The following UNC45B variants were observed in gnomAD, a reference collection of about 807,000 sequenced individuals.
UNC45B encodes the protein protein unc-45 homolog B.
Under a neutral mutation model 98.7 loss-of-function variants are expected in UNC45B, and 78 were observed. The observed-to-expected ratio is 0.79, with a 90% CI of 0.66 to 0.95. The LOEUF is 0.95. Among genes scored for constraint, UNC45B ranks in the 40% least tolerant of loss-of-function variants. UNC45B has a pLI of 0.00. For synonymous variants in UNC45B, 462 were observed against 480.4 expected, an observed-to-expected ratio of 0.96 and a Z score of 0.50; for missense variants, 1,225 against 1,184.9, an observed-to-expected ratio of 1.03 and a Z score of -0.50.
intron 17 of UNC45B, 86 bp downstream of exon 17, chr17:35,177,696 C>A: frequency 9.6e-7 from 1 of 1,045,572 alleles, no homozygotes; most frequent in Non-Finnish European, 1.4e-6. Flanking sequence ...TGAGAATGCT[C>A]TTCTCTGAAG....
At chr17:35,156,044 GCAA>G (rs898225108) in intron 7 of UNC45B, among the ~76,000 whole-genome samples, 7 of 152,128 alleles carry the variant, frequency 4.6e-5, no homozygotes, top group African/African-American at 4.8e-5. Flanking sequence ...TTTGACACAT[GCAA>G]CAACGTCAAT....
chr17:35,183,214 A>G (rs905837317), intron 18 of UNC45B, among the ~76,000 whole-genome samples: 1 of 149,154 alleles, frequency 6.7e-6, no homozygotes, highest in African/African-American at 2.5e-5. Context: ...AGCACACTAG[A>G]TGGGGAATTC....
At chr17:35,175,091 A>AAGAAAGAAAGAAAGAAAGAAAGAAAG (rs1567766068) in intron 14 of UNC45B, among the ~76,000 whole-genome samples, 1 of 132,678 alleles carries the variant, frequency 7.5e-6, no homozygotes, top group African/African-American at 2.7e-5. Flanking sequence ...AAGAAAGAGA[A>AAGAAAGAAAGAAAGAAAGAAAGAAAG]AGAAAGAAAA....
Position 35,187,721 on chromosome 17 carries a change from T to C in UNC45B, c.*1162T>C, listed in dbSNP as rs1232944342. 6.6e-6 allele frequency: 1 copy of C among 152,216 alleles called. No homozygotes were observed. The highest frequency in any genetic ancestry group is 2.4e-5 in the African/African-American group (1 of 41,452). 9.4% of individuals were successfully genotyped at this position (152,216 alleles called of 1,614,324 possible). On this transcript the variant is annotated 3_prime_UTR_variant, in exon 20 of 20. Coordinates refer to ENST00000394570, the MANE Select transcript of UNC45B (RefSeq NM_001267052.2). ...TGTACCCTGGGCAGATCAAAGAACA[T>C]ATTCTGTATGTCAGGCTTGGCCACA... is the stretch of plus-strand genomic sequence containing the variant.
At position 35,187,439 on chromosome 17, in the gene UNC45B, G is replaced by A. The variant is rs2092310744; in HGVS notation, c.*880G>A. On this transcript the variant is annotated 3_prime_UTR_variant, in exon 20 of 20. Transcript: ENST00000394570. ...TCCCCAGCAGCCCCAGGGTGACATA[G>A]TTGTTATAGTTCATTATGGAATAGA... 6.6e-6 allele frequency: 1 copy of A among 152,172 alleles called. No homozygotes were observed. The highest frequency in any genetic ancestry group is 2.4e-5 in the African/African-American group (1 of 41,420). The allele number at this position is 152,172 out of a possible 1,614,324, so 9.4% of individuals were successfully genotyped here.
intron 12 of UNC45B, 115 bp from the exon 13 acceptor site, chr17:35,171,207 C>T (rs1459329477): frequency 7.3e-7 from 1 of 1,361,832 alleles, no homozygotes; most frequent in Non-Finnish European, 1.0e-6. Context: ...TGGGCCCTAC[C>T]AGCTGCACTC....
At position 35,185,067 on chromosome 17, in the gene UNC45B, T is replaced by C. The variant is rs528132561; in HGVS notation, c.2530-1232T>C. Among the ~76,000 whole-genome samples, 5 of 152,296 alleles carry C rather than the reference T, an allele frequency of 3.3e-5. No homozygotes were observed. The East Asian group carries it at 9.7e-4, about 29-fold the overall frequency. On this transcript the variant is annotated intron_variant, in intron 19 of 19. Transcript: ENST00000394570. ...ACTTCAGCGTAGAAACTTTCCAGCA[T>C]AGAACCGTGCCACAGCTAGCTGAGC... is the stretch of plus-strand genomic sequence containing the variant.
rs140605574 is a variant in UNC45B at position 35,164,069 on chromosome 17, C to T, written c.1054C>T (p.Arg352Cys). ...PSCLPLTDNTRMLASILINKL... is the reference protein window; with the variant it reads ...PSCLPLTDNTCMLASILINKL... ...CTGCCTGCCCCTGACTGACAACACC[C>T]GCATGCTGGCCTCTATCCTCATCAA... Residue 352 changes from arginine to cysteine, a missense_variant, in exon 9 of 20, where the codon CGC becomes TGC. Transcript: ENST00000394570. 103 of 1,614,060 alleles carry T rather than the reference C, an allele frequency of 6.4e-5. 1 individual carries two copies. In the East Asian group the frequency reaches 1.7e-3, roughly 27 times the overall value.
At chr17:35,176,161 G>T in intron 15 of UNC45B, 127 bp downstream of exon 15, 2 of 900,398 alleles carry the variant, frequency 2.2e-6, no homozygotes, top group South Asian at 3.0e-5. Flanking sequence ...CGCTGTCTGT[G>T]CTCATAGCCC....
chr17:35,155,046 G>A (rs561616938), intron 6 of UNC45B, among the ~76,000 whole-genome samples: 1 of 152,366 alleles, frequency 6.6e-6, no homozygotes, highest in South Asian at 2.1e-4. Flanking sequence ...CTGCCACCGT[G>A]CAAGAGCTCA....
At chr17:35,148,535 C>T in intron 2 of UNC45B, 104 bp downstream of exon 2, 1 of 1,352,280 alleles carries the variant, frequency 7.4e-7, no homozygotes, top group South Asian at 1.4e-5. Context: ...TCCCAGCCGA[C>T]TCTCCTGGAT....
intron 14 of UNC45B, among the ~76,000 whole-genome samples, chr17:35,175,106 AAAG>A (rs1368406949): frequency 1.3e-4 from 19 of 146,056 alleles, no homozygotes; most frequent in African/African-American, 4.1e-4. Flanking sequence ...AGAAAAAAGA[AAAG>A]AAAGAAAGGG....
rs749879970 is a variant in UNC45B at position 35,171,384 on chromosome 17, C to T, written c.1752C>T (p.Tyr584=). Residue 584 remains tyrosine (Y), a synonymous_variant, in exon 13 of 20, where the codon TAC becomes TAT. Coordinates refer to ENST00000394570, the MANE Select transcript of UNC45B (RefSeq NM_001267052.2). ...CCCTGGTGAACTGCACCAACAGCTA[C>T]GATGTCAAGGAGGTCATCCCAGAGC... The part of the protein sequence containing the change: ...ATTLVNCTNS[Y]DVKEVIPELV... 1.1e-5 allele frequency: 17 copies of T among 1,614,104 alleles called. No individual in the cohort carries two copies. The highest frequency in any genetic ancestry group is 9.3e-5 in the African/African-American group (7 of 74,940).
chr17:35,177,125 G>A lies in UNC45B; in HGVS notation c.2134G>A (p.Glu712Lys). Residue 712 changes from glutamate to lysine, a missense_variant, in exon 16 of 20, where the codon GAG becomes AAG. By Grantham distance (56) the Glu-to-Lys change is moderately conservative. Transcript: ENST00000394570. Reference sequence around the variant, plus strand: ...CAATCCGGACATTGCTTTTCCTGGGGAGCGGGTAGGTGCTTGGGTAGATGG... The same window carrying A: ...CAATCCGGACATTGCTTTTCCTGGGAAGCGGGTAGGTGCTTGGGTAGATGG... ...VSNPDIAFPG[E>K]RVYEVVRPLV... 1 of 1,614,064 alleles carries A rather than the reference G, an allele frequency of 6.2e-7. No homozygotes were observed. Among genetic ancestry groups the A allele is most frequent in the South Asian group, 1.1e-5 (1 of 91,072 alleles).
rs758969840 is a variant in UNC45B at position 35,171,477 on chromosome 17, G to A, written c.1830+15G>A. Reference sequence around the variant, plus strand: ...AACACCCCAAGGTAGGGTCAGGCGCGACCCGGGAGGGGTCTGGTCTGTGCC... The same window carrying A: ...AACACCCCAAGGTAGGGTCAGGCGCAACCCGGGAGGGGTCTGGTCTGTGCC... On this transcript the variant is annotated intron_variant, in intron 13 of 19. Coordinates refer to ENST00000394570, the MANE Select transcript of UNC45B (RefSeq NM_001267052.2). 16 of 1,612,944 alleles carry A rather than the reference G, an allele frequency of 9.9e-6. No homozygotes were observed. Among genetic ancestry groups the A allele is most frequent in the South Asian group, 4.4e-5 (4 of 90,942 alleles).
intron 17 of UNC45B, among the ~76,000 whole-genome samples, chr17:35,179,755 T>C (rs1486446775): frequency 6.9e-6 from 1 of 145,858 alleles, no homozygotes; most frequent in Non-Finnish European, 1.5e-5. Context: ...CTGTTGGGGG[T>C]GGGGAGCTGG....
chr17:35,159,687 G>C, intron 8 of UNC45B, 142 bp downstream of exon 8: 1 of 948,904 alleles, frequency 1.1e-6, no homozygotes, highest in Non-Finnish European at 1.5e-6. Flanking sequence ...GGCCCATCAG[G>C]ATCCACCAGT....
In UNC45B at chr17:35,152,978, A is replaced by G; in HGVS notation, c.467A>G (p.Glu156Gly). The part of the protein sequence containing the change: ...LDENSEADKR[E>G]KAANNLIVLG... ...GAAAACAGTGAGGCTGATAAGCGGG[A>G]AAAGGTGAGTGCTGGCCAGTGCCAT... The change falls in exon 5 of 20, where the codon GAA (glutamate) becomes GGA (glycine). Residue 156 changes from glutamate (E) to glycine (G), a missense_variant. Transcript: ENST00000394570. The G allele has an allele frequency of 6.2e-7, 1 of 1,612,060 alleles. No individual in the cohort carries two copies. The highest frequency in any genetic ancestry group is 8.5e-7 in the Non-Finnish European group (1 of 1,178,842).
intron 5 of UNC45B, among the ~76,000 whole-genome samples, chr17:35,153,912 A>T (rs1360508446): frequency 6.6e-6 from 1 of 151,892 alleles, no homozygotes; most frequent in African/African-American, 2.4e-5. Context: ...GGAGCCTTTT[A>T]TTTTAAGGTT....
Sources: allele counts gnomAD v4.1 joint callset (sites outside exome capture counted in the v4.1 genomes callset), GRCh38; gene constraint gnomAD v4.1.1; transcripts MANE v1.5; gene names NCBI Gene and HGNC (gene_info 2026-07-23, HGNC 2026-07-21).